The following PTPRT variants were observed in gnomAD, a reference collection of about 807,000 sequenced individuals.
PTPRT encodes the protein protein tyrosine phosphatase receptor type T, also known as receptor-type tyrosine-protein phosphatase T.
Under a neutral mutation model 176.8 loss-of-function variants are expected in PTPRT, and 56 were observed. The observed-to-expected ratio is 0.32, with a 90% confidence interval of 0.26 to 0.40. PTPRT has a LOEUF of 0.40. Ranked by LOEUF, PTPRT falls within the 10% of genes least tolerant of loss-of-function variation. The pLI is 1.00. For missense variants in PTPRT, 1,540 were observed against 1,908.2 expected (o/e 0.81, Z 3.60); for synonymous variants, 783 against 739.0 (o/e 1.06, Z -0.96).
chr20:42,840,964 C>CT lies in PTPRT; in HGVS notation c.214+44842dup, dbSNP rs536611795. ...TCCTTCGTGCTACTTGACTCAAAGC[C>CT]TTTTGCCTTGGCTCACTTGGCCTTT... On this transcript the variant is annotated intron_variant, in intron 2 of 30. Coordinates refer to ENST00000373187, the MANE Select transcript of PTPRT (RefSeq NM_007050.6). Among the ~76,000 whole-genome samples, 40 of 152,260 alleles carry CT rather than the reference C, an allele frequency of 2.6e-4. 1 individual carries two copies. In the East Asian group the frequency reaches 7.5e-3, roughly 29 times the overall value.
At position 43,078,826 on chromosome 20, in the gene PTPRT, GA is replaced by G. The variant is rs1051910092; in HGVS notation, c.88+110819del. 3.3e-5 allele frequency among the ~76,000 whole-genome samples: 5 copies of G among 152,136 alleles called. 1 individual carries two copies. The highest frequency in any genetic ancestry group is 1.2e-4 in the African/African-American group (5 of 41,412). On this transcript the variant is annotated intron_variant, in intron 1 of 30. Coordinates refer to ENST00000373187, the MANE Select transcript of PTPRT (RefSeq NM_007050.6). ...TTCCCAATAAAGTTTGAGTGGCAGA[GA>G]AAAGGCAGAGCCAACAATCAGGAAA... is the stretch of plus-strand genomic sequence containing the variant.
chr20:42,055,671 A>G, the PTPRT span, among the ~76,000 whole-genome samples: 1 of 152,186 alleles, frequency 6.6e-6, no homozygotes, highest in Non-Finnish European at 1.5e-5. Context: ...AGATGGTGCC[A>G]GGACTTAGAC....
At chr20:42,704,232 C>T (rs1252357360) in intron 6 of PTPRT, among the ~76,000 whole-genome samples, 1 of 152,038 alleles carries the variant, frequency 6.6e-6, no homozygotes, top group Admixed American at 6.6e-5. Context: ...TTCCTAACAG[C>T]TCAATCTAGA....
chr20:42,650,142 T>C (rs900756700), intron 7 of PTPRT, among the ~76,000 whole-genome samples: 1 of 152,214 alleles, frequency 6.6e-6, no homozygotes, highest in Admixed American at 6.5e-5. Flanking sequence ...AAACAGATAT[T>C]GGTTAGCAGT....
chr20:42,717,923 C>T (rs1446960700), intron 6 of PTPRT, among the ~76,000 whole-genome samples: 1 of 152,216 alleles, frequency 6.6e-6, no homozygotes, highest in African/African-American at 2.4e-5. Flanking sequence ...AAAGGTTGCT[C>T]AATTTCACTA....
In PTPRT at chr20:42,128,463, G is replaced by T. The variant is rs538569879; in HGVS notation, c.2847+291C>A. Among the ~76,000 whole-genome samples, 12 of 152,148 alleles carry T rather than the reference G, an allele frequency of 7.9e-5. No homozygotes were observed. In the South Asian group the frequency reaches 2.3e-3, roughly 29 times the overall value. Reference sequence around the variant, plus strand: ...ATTTTTGTGGCATAAATGGCCATGCGTTTATGTGAATGAATGAATGGATCA... The same window carrying T: ...ATTTTTGTGGCATAAATGGCCATGCTTTTATGTGAATGAATGAATGGATCA... On this transcript the variant is annotated intron_variant, in intron 19 of 30. Transcript: ENST00000373187.
At chr20:42,706,896 G>C (rs752201616) in intron 6 of PTPRT, among the ~76,000 whole-genome samples, 1 of 152,204 alleles carries the variant, frequency 6.6e-6, no homozygotes, top group East Asian at 1.9e-4. Flanking sequence ...CACTATACTG[G>C]AATAGGGTTG....
intron 7 of PTPRT, among the ~76,000 whole-genome samples, chr20:42,565,782 G>C (rs1192865439): frequency 6.6e-6 from 1 of 152,096 alleles, no homozygotes; most frequent in East Asian, 1.9e-4. Context: ...AGTGGGGTTT[G>C]AGCTCCTGCA....
intron 11 of PTPRT, among the ~76,000 whole-genome samples, chr20:42,336,365 T>C (rs1368955231): frequency 2.0e-5 from 3 of 152,184 alleles, no homozygotes; most frequent in Non-Finnish European, 4.4e-5. Flanking sequence ...TGTAGTGACA[T>C]TGCCAATTCC....
At chr20:42,353,167 T>C (rs2058311168) in intron 9 of PTPRT, among the ~76,000 whole-genome samples, 1 of 152,208 alleles carries the variant, frequency 6.6e-6, no homozygotes, top group Admixed American at 6.5e-5. Context: ...GTGGTCACCA[T>C]GCTGGACACT....
chr20:42,347,273 C>G (rs2058208081), intron 11 of PTPRT, among the ~76,000 whole-genome samples: 1 of 152,190 alleles, frequency 6.6e-6, no homozygotes, highest in African/African-American at 2.4e-5. Context: ...TTATTCGAAG[C>G]ATCCTTAACC....
At chr20:43,070,767 T>C (rs946660730) in intron 1 of PTPRT, among the ~76,000 whole-genome samples, 14 of 151,600 alleles carry the variant, frequency 9.2e-5, no homozygotes, top group Non-Finnish European at 1.3e-4. Flanking sequence ...TAGGTGGGAA[T>C]TGAACAATGA....
chr20:42,642,364 G>T (rs570364838), intron 7 of PTPRT, among the ~76,000 whole-genome samples: 1 of 152,216 alleles, frequency 6.6e-6, no homozygotes, highest in Non-Finnish European at 1.5e-5. Flanking sequence ...TACTAGTTGT[G>T]GGACGTTGAC....
intron 15 of PTPRT, among the ~76,000 whole-genome samples, chr20:42,226,828 C>G (rs531073848): frequency 7.9e-4 from 121 of 152,244 alleles, no homozygotes; most frequent in African/African-American, 2.8e-3. Flanking sequence ...ACATCTTCAG[C>G]TCCCCCAAGC....
intron 9 of PTPRT, among the ~76,000 whole-genome samples, chr20:42,444,111 C>T (rs1367900290): frequency 2.0e-5 from 3 of 152,194 alleles, no homozygotes; most frequent in Admixed American, 6.5e-5. Flanking sequence ...CCCTTTCCCC[C>T]ACACAGTCTC....
At chr20:42,300,941 C>T (rs1007920066) in intron 12 of PTPRT, among the ~76,000 whole-genome samples, 28 of 146,056 alleles carry the variant, frequency 1.9e-4, no homozygotes, top group Admixed American at 4.2e-4. Flanking sequence ...GGGAACATCA[C>T]ACTCTGGGGT....
intron 7 of PTPRT, among the ~76,000 whole-genome samples, chr20:42,657,818 C>T (rs555408452): frequency 6.6e-6 from 1 of 152,188 alleles, no homozygotes; most frequent in African/African-American, 2.4e-5. Flanking sequence ...GTATACAGAT[C>T]TCTTACCTTT....
intron 6 of PTPRT, among the ~76,000 whole-genome samples, chr20:42,715,639 A>T (rs1466405419): frequency 6.6e-6 from 1 of 152,178 alleles, no homozygotes; most frequent in East Asian, 1.9e-4. Context: ...ATATTAAAAA[A>T]TAAAGAGACT....
intron 13 of PTPRT, among the ~76,000 whole-genome samples, chr20:42,258,865 C>T (rs1019363034): frequency 1.3e-5 from 2 of 152,088 alleles, no homozygotes; most frequent in East Asian, 1.9e-4. Flanking sequence ...ATAGCTCTAC[C>T]CTTGCTGTGG....
Sources: gnomAD v4.1 joint callset for allele counts (sites outside exome capture counted in the v4.1 genomes callset) on GRCh38, gnomAD v4.1.1 for gene constraint, MANE v1.5 for transcripts, NCBI Gene and HGNC (gene_info 2026-07-23, HGNC 2026-07-21) for gene names.